BBX: variants seen among roughly 807,000 people sequenced by gnomAD.
BBX encodes the protein BBX high mobility group box domain containing, also known as HMG box transcription factor BBX.
BBX carries 30 observed loss-of-function variants against 100.2 expected under a neutral mutation model. The ratio of observed to expected loss-of-function variants is 0.30; its 90% CI spans 0.22 to 0.41. The LOEUF (loss-of-function observed/expected upper bound fraction) is 0.41. Among genes scored for constraint, BBX ranks in the 10% least tolerant of loss-of-function variants. The probability of loss-of-function intolerance (pLI) is 1.00; values close to 1 mark genes in which losing one functional copy is unlikely to be tolerated. For synonymous variants in BBX, 376 were observed against 388.1 expected (o/e 0.97, Z 0.37); for missense variants, 1,023 against 1,129.8 (o/e 0.91, Z 1.35).
chr3:107,695,837 C>T (rs1377398611), intron 3 of BBX, among the ~76,000 whole-genome samples: 1 of 151,622 alleles, frequency 6.6e-6, no homozygotes, highest in African/African-American at 2.4e-5. Context: ...GTCTAAGTCT[C>T]TTTGTAGGTC....
chr3:107,616,186 T>A (rs549477412), intron 2 of BBX, among the ~76,000 whole-genome samples: 5 of 151,844 alleles, frequency 3.3e-5, no homozygotes, highest in Non-Finnish European at 7.4e-5. Flanking sequence ...AGATTCAAAA[T>A]TTTTTTAGTG....
intron 2 of BBX, among the ~76,000 whole-genome samples, chr3:107,584,108 ATATT>A (rs2052577846): frequency 1.4e-4 from 2 of 14,166 alleles, no homozygotes; most frequent in South Asian, 2.0e-3. Flanking sequence ...TATATATTAT[ATATT>A]ATATATAATA....
At chr3:107,712,158 C>T (rs2061766166) in intron 4 of BBX, among the ~76,000 whole-genome samples, 1 of 152,196 alleles carries the variant, frequency 6.6e-6, no homozygotes, top group Non-Finnish European at 1.5e-5. Flanking sequence ...ATTATAGGCA[C>T]AAGCCACCAT....
intron 3 of BBX, among the ~76,000 whole-genome samples, chr3:107,678,538 A>G (rs1319070451): frequency 6.6e-6 from 1 of 152,090 alleles, no homozygotes; most frequent in Non-Finnish European, 1.5e-5. Context: ...AGCCTAGGCA[A>G]CACAGTGAGA....
intron 15 of BBX, among the ~76,000 whole-genome samples, chr3:107,794,544 A>T (rs902894460): frequency 6.6e-6 from 1 of 152,092 alleles, no homozygotes; most frequent in Non-Finnish European, 1.5e-5. Flanking sequence ...TTATAGTTAG[A>T]TTTTCACACA....
chr3:107,539,244 A>G (rs1053185228), intron 2 of BBX, among the ~76,000 whole-genome samples: 4 of 152,192 alleles, frequency 2.6e-5, no homozygotes, highest in Non-Finnish European at 5.9e-5. Flanking sequence ...TGGGTTAGGA[A>G]TTCTGGAGCT....
At chr3:107,588,003 T>A (rs2052994489) in intron 2 of BBX, among the ~76,000 whole-genome samples, 1 of 152,240 alleles carries the variant, frequency 6.6e-6, no homozygotes, top group African/African-American at 2.4e-5. Flanking sequence ...AGAGTCACGA[T>A]TTTTAACAAT....
intron 2 of BBX, among the ~76,000 whole-genome samples, chr3:107,607,568 A>G (rs1232910367): frequency 6.6e-6 from 1 of 152,172 alleles, no homozygotes; most frequent in Admixed American, 6.5e-5. Flanking sequence ...TTTAGGTAGT[A>G]TATATCTAGC....
At chr3:107,677,029 T>C (rs2059316417) in intron 3 of BBX, among the ~76,000 whole-genome samples, 1 of 152,142 alleles carries the variant, frequency 6.6e-6, no homozygotes, top group Admixed American at 6.5e-5. Context: ...TGGATTCATA[T>C]ATACTTTAAA....
chr3:107,614,718 T>C (rs2055122750), intron 2 of BBX, among the ~76,000 whole-genome samples: 1 of 152,202 alleles, frequency 6.6e-6, no homozygotes, highest in Non-Finnish European at 1.5e-5. Flanking sequence ...GTATTTTTTA[T>C]TGTTATCTTT....
intron 3 of BBX, 76 bp from the exon 4 acceptor site, chr3:107,710,376 A>T: frequency 8.0e-7 from 1 of 1,242,326 alleles, no homozygotes; most frequent in South Asian, 1.6e-5. Flanking sequence ...ATTGTAATCA[A>T]ATTTACTTTG....
intron 2 of BBX, among the ~76,000 whole-genome samples, chr3:107,594,728 A>G (rs2053562600): frequency 6.6e-6 from 1 of 152,296 alleles, no homozygotes; most frequent in East Asian, 1.9e-4. Context: ...GAATTAACAC[A>G]TGTCATATAA....
At chr3:107,545,073 G>T (rs1294262791) in intron 2 of BBX, among the ~76,000 whole-genome samples, 1 of 151,886 alleles carries the variant, frequency 6.6e-6, no homozygotes, top group Non-Finnish European at 1.5e-5. Flanking sequence ...TTATAGAGAC[G>T]TTTCTTTACC....
At chr3:107,540,015 A>T (rs1238095376) in intron 2 of BBX, among the ~76,000 whole-genome samples, 1 of 152,210 alleles carries the variant, frequency 6.6e-6, no homozygotes, top group East Asian at 1.9e-4. Context: ...CTAGCTCAGC[A>T]TGGGGATCTG....
intron 3 of BBX, among the ~76,000 whole-genome samples, chr3:107,682,397 C>A (rs2059615410): frequency 6.6e-6 from 1 of 152,062 alleles, no homozygotes; most frequent in African/African-American, 2.4e-5. Flanking sequence ...GGAAGACAAA[C>A]CTGCAAACAA....
intron 2 of BBX, among the ~76,000 whole-genome samples, chr3:107,621,342 G>T (rs2055752909): frequency 6.6e-6 from 1 of 152,136 alleles, no homozygotes; most frequent in Non-Finnish European, 1.5e-5. Context: ...GGTCCCCAAA[G>T]TCCCGAGCTT....
At chr3:107,573,591 T>G (rs563810521) in intron 2 of BBX, among the ~76,000 whole-genome samples, 1 of 152,270 alleles carries the variant, frequency 6.6e-6, no homozygotes, top group Admixed American at 6.5e-5. Flanking sequence ...AAACAGTGTT[T>G]GTTAACATGT....
Position 107,682,993 on chromosome 3 carries a change from GAC to G in BBX, c.-9-27457_-9-27456del, listed in dbSNP as rs1374262800. On this transcript the variant is annotated intron_variant, in intron 3 of 17. Coordinates refer to ENST00000325805, the MANE Select transcript of BBX (RefSeq NM_001142568.3). ...ACTTTCTTTTTTGTTTGTAAAATAAGACATGTTGAATGAGAATAACACCAAAA... is the reference window on the plus strand; with the variant it reads ...ACTTTCTTTTTTGTTTGTAAAATAAGATGTTGAATGAGAATAACACCAAAA... Among the ~76,000 whole-genome samples, 3 of 152,154 alleles carry G rather than the reference GAC, an allele frequency of 2.0e-5. No individual in the cohort carries two copies. The East Asian group carries it at 5.8e-4, about 29-fold the overall frequency.
intron 5 of BBX, among the ~76,000 whole-genome samples, chr3:107,725,753 C>G (rs1273759587): frequency 1.3e-5 from 2 of 151,952 alleles, no homozygotes; most frequent in Non-Finnish European, 1.5e-5. Flanking sequence ...CAGCATTTAC[C>G]AAGCACCACA....
Sources: allele counts gnomAD v4.1 joint callset (sites outside exome capture counted in the v4.1 genomes callset), GRCh38; gene constraint gnomAD v4.1.1; transcripts MANE v1.5; gene names NCBI Gene and HGNC (gene_info 2026-07-23, HGNC 2026-07-21).